GRID2: variants seen among roughly 807,000 people sequenced by gnomAD.
The protein encoded by GRID2 is glutamate receptor ionotropic, delta-2.
GRID2 carries 33 observed loss-of-function variants against 114.8 expected under a neutral mutation model. That is an observed-to-expected ratio of 0.29 (90% confidence interval 0.22 to 0.38). The LOEUF (loss-of-function observed/expected upper bound fraction) is 0.38, where lower values mean the gene tolerates loss of function less well. Ranked by LOEUF, GRID2 falls within the 10% of genes least tolerant of loss-of-function variation. GRID2 has a pLI of 1.00. For missense variants in GRID2, 1,184 were observed against 1,257.7 expected (o/e 0.94, Z 0.89); for synonymous variants, 505 against 449.9 (o/e 1.12, Z -1.55).
intron 8 of GRID2, among the ~76,000 whole-genome samples, chr4:93,246,733 G>A (rs1217491423): frequency 1.3e-5 from 2 of 151,898 alleles, no homozygotes; most frequent in Admixed American, 6.6e-5. Context: ...TTATTCTGAT[G>A]TGTCTTCAAG....
chr4:93,046,285 G>C (rs922302310), intron 2 of GRID2, among the ~76,000 whole-genome samples: 6 of 151,930 alleles, frequency 3.9e-5, no homozygotes, highest in Non-Finnish European at 5.9e-5. Context: ...AACAATCTCT[G>C]TCGGTCGTTC....
At chr4:93,121,664 C>T (rs1047466299) in intron 4 of GRID2, among the ~76,000 whole-genome samples, 1 of 152,180 alleles carries the variant, frequency 6.6e-6, no homozygotes, top group African/African-American at 2.4e-5. Flanking sequence ...AATGAAATTG[C>T]TAGCTCAAGG....
chr4:93,218,937 A>T (rs964592680), intron 6 of GRID2, among the ~76,000 whole-genome samples: 3 of 152,268 alleles, frequency 2.0e-5, no homozygotes, highest in Admixed American at 1.3e-4. Context: ...ACTCACTACT[A>T]TCATGAGAAT....
At chr4:92,673,177 A>G (rs1480764340) in intron 2 of GRID2, among the ~76,000 whole-genome samples, 1 of 151,894 alleles carries the variant, frequency 6.6e-6, no homozygotes, top group Non-Finnish European at 1.5e-5. Context: ...GTGTATCTTT[A>G]TTTTATATAT....
chr4:93,318,567 C>T lies in GRID2; in HGVS notation c.1246-77040C>T, dbSNP rs937758370. On this transcript the variant is annotated intron_variant, in intron 8 of 15. Transcript: ENST00000282020. The stretch of plus-strand genomic sequence containing the variant: ...ATTAAACCTCGAAAGCCAAAGGGAG[C>T]ATAACTGCTCTGGAAGACTAGGAAG... 11 of 152,172 alleles carry T rather than the reference C, an allele frequency of 7.2e-5. No individual in the cohort carries two copies. In the East Asian group the frequency reaches 1.7e-3, roughly 24 times the overall value. The allele number at this position is 152,172 out of a possible 1,614,324, so 9.4% of individuals were successfully genotyped here.
At chr4:93,570,010 G>T (rs1352284945) in intron 13 of GRID2, among the ~76,000 whole-genome samples, 2 of 152,098 alleles carry the variant, frequency 1.3e-5, no homozygotes, top group East Asian at 3.8e-4. Flanking sequence ...AATGTTATTA[G>T]AATATGTTAA....
At chr4:92,635,389 G>A (rs959488624) in intron 2 of GRID2, among the ~76,000 whole-genome samples, 4 of 151,960 alleles carry the variant, frequency 2.6e-5, no homozygotes, top group South Asian at 2.1e-4. Context: ...TCTCTTCTGA[G>A]GTTATATATG....
At chr4:92,427,728 G>A (rs761346422) in intron 1 of GRID2, among the ~76,000 whole-genome samples, 20 of 152,070 alleles carry the variant, frequency 1.3e-4, no homozygotes, top group Admixed American at 6.6e-5. Context: ...AGTTGGTTAA[G>A]TTTAATTAAA....
chr4:93,709,541 T>G (rs912962289), intron 14 of GRID2, among the ~76,000 whole-genome samples: 8 of 152,212 alleles, frequency 5.3e-5, no homozygotes, highest in African/African-American at 1.9e-4. Context: ...GTTTGATTAT[T>G]AAATGCCTTG....
At chr4:93,620,594 T>C (rs1314183215) in intron 13 of GRID2, among the ~76,000 whole-genome samples, 1 of 152,162 alleles carries the variant, frequency 6.6e-6, no homozygotes, top group Non-Finnish European at 1.5e-5. Context: ...CAAATAGAAA[T>C]GTGTCATAAT....
chr4:92,923,973 A>G (rs1026049682), intron 2 of GRID2, among the ~76,000 whole-genome samples: 3 of 152,190 alleles, frequency 2.0e-5, no homozygotes, highest in African/African-American at 7.2e-5. Flanking sequence ...GGCACTATTC[A>G]CAATAGCAAA....
chr4:93,038,321 A>C (rs1223859694), intron 2 of GRID2, among the ~76,000 whole-genome samples: 1 of 152,132 alleles, frequency 6.6e-6, no homozygotes, highest in Non-Finnish European at 1.5e-5. Flanking sequence ...ATTCTAAAAA[A>C]AACAACCCCA....
chr4:93,600,403 C>T (rs1250987802), intron 13 of GRID2, among the ~76,000 whole-genome samples: 1 of 151,230 alleles, frequency 6.6e-6, no homozygotes, highest in Non-Finnish European at 1.5e-5. Context: ...AAAAAATAAA[C>T]AAAAGATTGG....
intron 13 of GRID2, among the ~76,000 whole-genome samples, chr4:93,528,257 T>C (rs899639423): frequency 7.2e-5 from 11 of 152,056 alleles, no homozygotes; most frequent in African/African-American, 2.4e-4. Flanking sequence ...TTTTGGCTGT[T>C]ATGAATAATG....
At chr4:93,663,202 T>C (rs1723651969) in intron 14 of GRID2, among the ~76,000 whole-genome samples, 1 of 152,200 alleles carries the variant, frequency 6.6e-6, no homozygotes, top group Non-Finnish European at 1.5e-5. Context: ...AACAAGGCCA[T>C]ATCATCATCA....
chr4:93,145,473 T>A (rs1266886917), intron 4 of GRID2, among the ~76,000 whole-genome samples: 2 of 96,626 alleles, frequency 2.1e-5, no homozygotes, highest in South Asian at 3.1e-4. Context: ...ATTTATTTAT[T>A]TTTTTTTGAG....
chr4:93,027,541 T>C (rs1723995881), intron 2 of GRID2, among the ~76,000 whole-genome samples: 1 of 152,278 alleles, frequency 6.6e-6, no homozygotes, highest in South Asian at 2.1e-4. Flanking sequence ...TGCCTACCTG[T>C]CTTGCATTTT....
At chr4:93,584,901 C>T (rs1392680343) in intron 13 of GRID2, among the ~76,000 whole-genome samples, 3 of 152,014 alleles carry the variant, frequency 2.0e-5, no homozygotes, top group African/African-American at 7.2e-5. Flanking sequence ...CATAAAATTG[C>T]CCTTGATTGA....
At chr4:92,400,914 T>C (rs1438224516) in intron 1 of GRID2, among the ~76,000 whole-genome samples, 1 of 152,216 alleles carries the variant, frequency 6.6e-6, no homozygotes, top group Non-Finnish European at 1.5e-5. Flanking sequence ...AAATATCTAC[T>C]GAAATTCTTT....
Sources: gnomAD v4.1 joint callset for allele counts (sites outside exome capture counted in the v4.1 genomes callset) on GRCh38, gnomAD v4.1.1 for gene constraint, MANE v1.5 for transcripts, NCBI Gene and HGNC (gene_info 2026-07-23, HGNC 2026-07-21) for gene names.